DEDD2: variants seen among roughly 807,000 people sequenced by gnomAD.
DEDD2 encodes the protein DNA-binding death effector domain-containing protein 2.
DEDD2 carries 18 observed loss-of-function variants against 28.9 expected under a neutral mutation model. The ratio of observed to expected loss-of-function variants is 0.62; its 90% confidence interval spans 0.43 to 0.92. The LOEUF is 0.92. Among genes scored for constraint, DEDD2 ranks in the 40% least tolerant of loss-of-function variants. The probability of loss-of-function intolerance (pLI) is 0.00; values close to 1 mark genes in which losing one functional copy is unlikely to be tolerated. For synonymous variants in DEDD2, 211 were observed against 206.1 expected (o/e 1.02, Z -0.20); for missense variants, 411 against 463.3 (o/e 0.89, Z 1.04).
At chr19:42,213,504 G>A (rs188402486) in intron 3 of DEDD2, among the ~76,000 whole-genome samples, 3 of 152,228 alleles carry the variant, frequency 2.0e-5, no homozygotes, top group African/African-American at 2.4e-5. Context: ...TTCCCACATC[G>A]GAAAAGCCAG....
At position 42,209,683 on chromosome 19, in the gene DEDD2, A is replaced by C; in HGVS notation, c.589+17T>G. 6.2e-7 allele frequency: 1 copy of C among 1,602,164 alleles called. No individual in the cohort carries two copies. The highest frequency in any genetic ancestry group is 8.5e-7 in the Non-Finnish European group (1 of 1,174,892). On this transcript the variant is annotated intron_variant, in intron 4 of 4. Coordinates refer to ENST00000596251, the MANE Select transcript of DEDD2 (RefSeq NM_133328.4). ...CGGGGCACTCTACATGCATTGCCAA[A>C]GCCTACAGACACCTACCACAGGTCA...
chr19:42,215,399 T>C (rs1197116331), intron 2 of DEDD2, 147 bp from the exon 3 acceptor site: 11 of 996,658 alleles, frequency 1.1e-5, no homozygotes, highest in African/African-American at 1.6e-5. Flanking sequence ...CCTGCAGAGG[T>C]TGCTCAGATG....
At chr19:42,212,969 G>T (rs2035827750) in intron 3 of DEDD2, among the ~76,000 whole-genome samples, 1 of 152,140 alleles carries the variant, frequency 6.6e-6, no homozygotes, top group African/African-American at 2.4e-5. Context: ...TTCACTGAAA[G>T]AACCTAGAAC....
In DEDD2 at chr19:42,209,732, G is replaced by A. The variant is rs754932129; in HGVS notation, c.557C>T (p.Ala186Val). Residue 186 changes from alanine to valine, a missense_variant, in exon 4 of 5, where the codon GCC becomes GTC. By Grantham distance (64) the Ala-to-Val change is moderately conservative. Around this residue, in one of 2 missense-constraint regions of DEDD2, gnomAD observed 282 missense variants for 273.4 expected, o/e 1.03. Transcript: ENST00000596251. ...CACTTTGCCTTCAGAGGAAGGTCTG[G>A]CGGGCTCTGACTGCTGCTGGGGTGC... Reference protein sequence around the residue: ...PAAPQQQSEPARPSSEGKVTC... With the variant: ...PAAPQQQSEPVRPSSEGKVTC... The A allele has an allele frequency of 6.2e-7, 1 of 1,607,616 alleles. No homozygotes were observed.
At chr19:42,218,470 C>G (rs2036064698), upstream of DEDD2, among the ~76,000 whole-genome samples, 1 of 152,144 alleles carries the variant, frequency 6.6e-6, no homozygotes, top group South Asian at 2.1e-4. Flanking sequence ...CGCCCAGATA[C>G]CCGCTCCCTA....
Position 42,215,239 on chromosome 19 carries a change from G to C in DEDD2, c.342C>G (p.Arg114=). ...AAGAGCTGGAGGTGCCATAGCTATA[G>C]CGTTCTGGAGACACTGGAGGAAGAG... The part of the protein sequence containing the change: ...RKRRRPVSPE[R]YSYGTSSSSK... The change falls in exon 3 of 5, where the codon CGC becomes CGG. Residue 114 remains arginine, a synonymous_variant. Coordinates refer to ENST00000596251, the MANE Select transcript of DEDD2 (RefSeq NM_133328.4). 6.2e-7 allele frequency: 1 copy of C among 1,614,082 alleles called. No individual in the cohort carries two copies. The highest frequency in any genetic ancestry group is 8.5e-7 in the Non-Finnish European group (1 of 1,179,972).
intron 4 of DEDD2, among the ~76,000 whole-genome samples, chr19:42,207,895 G>A (rs186709114): frequency 5.9e-5 from 9 of 151,708 alleles, no homozygotes; most frequent in African/African-American, 1.2e-4. Context: ...GGCTGGGGAC[G>A]TTGTACGCAT....
At chr19:42,202,116 C>T in intron 4 of DEDD2, 1 of 398,656 alleles carries the variant, frequency 2.5e-6, no homozygotes, top group Non-Finnish European at 4.4e-6. Context: ...ACATTGAAGT[C>T]ACAAGGATTA....
intron 4 of DEDD2, among the ~76,000 whole-genome samples, chr19:42,205,204 G>A (rs1215805647): frequency 6.6e-6 from 1 of 152,174 alleles, no homozygotes; most frequent in Middle Eastern, 3.2e-3. Flanking sequence ...TACAACGCAA[G>A]GCGGAGAAAG....
At chr19:42,218,311 G>T (rs1456083312), upstream of DEDD2, among the ~76,000 whole-genome samples, 1 of 149,678 alleles carries the variant, frequency 6.7e-6, no homozygotes, top group Non-Finnish European at 1.5e-5. Flanking sequence ...GTTCAGGACG[G>T]ATACCTCCTT....
rs560359834 is a variant in DEDD2 at position 42,217,672 on chromosome 19, C to A, written c.-79G>T. On this transcript the variant is annotated 5_prime_UTR_variant, in exon 1 of 5. Coordinates refer to ENST00000596251, the MANE Select transcript of DEDD2 (RefSeq NM_133328.4). ...GATGACTCCTGGGCGACGGCCGCAGCCACTTGTTTTGGATCTTTCTGGCAC... is the reference window on the plus strand; with the variant it reads ...GATGACTCCTGGGCGACGGCCGCAGACACTTGTTTTGGATCTTTCTGGCAC... 1.3e-5 allele frequency: 2 copies of A among 152,638 alleles called. No homozygotes were observed. The highest frequency in any genetic ancestry group is 2.9e-5 in the Non-Finnish European group (2 of 68,176). The allele number at this position is 152,638 out of a possible 1,614,324, so 9.5% of individuals were successfully genotyped here. A position where few individuals can be genotyped will look rare whatever the true frequency, so the allele number is the denominator to read the frequency against.
chr19:42,203,619 T>A (rs2035417002), intron 4 of DEDD2, among the ~76,000 whole-genome samples: 1 of 152,186 alleles, frequency 6.6e-6, no homozygotes, highest in Admixed American at 6.5e-5. Flanking sequence ...GGTGGCCTCC[T>A]GTGTAAAACA....
intron 4 of DEDD2, among the ~76,000 whole-genome samples, chr19:42,200,873 CT>C (rs1282498891): frequency 6.6e-6 from 1 of 152,202 alleles, no homozygotes; most frequent in East Asian, 1.9e-4. Context: ...ACTTCTAAGG[CT>C]ATCCTGTAAT....
chr19:42,206,015 C>T (rs1183641234), intron 4 of DEDD2, among the ~76,000 whole-genome samples: 1 of 151,010 alleles, frequency 6.6e-6, no homozygotes, highest in Non-Finnish European at 1.5e-5. Flanking sequence ...ACCTGGGAAG[C>T]GGAGGCTGCA....
Position 42,210,424 on chromosome 19 carries a change from G to A in DEDD2, c.449-584C>T, listed in dbSNP as rs921961287. The stretch of plus-strand genomic sequence containing the variant: ...ACTTTTTTTTTTGAGACCGAGTTTC[G>A]CTCTTGTTGCTCAGGCTGGAGTGCA... On this transcript the variant is annotated intron_variant, in intron 3 of 4. Coordinates refer to ENST00000596251, the MANE Select transcript of DEDD2 (RefSeq NM_133328.4). Among the ~76,000 whole-genome samples the A allele has an allele frequency of 6.6e-5, 10 of 151,916 alleles. No individual in the cohort carries two copies. In the East Asian group the frequency reaches 1.7e-3, roughly 27 times the overall value.
chr19:42,206,252 C>T (rs764660782), intron 4 of DEDD2, among the ~76,000 whole-genome samples: 1 of 152,016 alleles, frequency 6.6e-6, no homozygotes, highest in Non-Finnish European at 1.5e-5. Flanking sequence ...CCACCCTACT[C>T]CTCCATTCCT....
chr19:42,211,018 C>T (rs377707509), intron 3 of DEDD2, among the ~76,000 whole-genome samples: 2 of 146,276 alleles, frequency 1.4e-5, no homozygotes, highest in East Asian at 4.1e-4. Context: ...TGCAGTGAGC[C>T]GAGATTGTGC....
intron 4 of DEDD2, among the ~76,000 whole-genome samples, chr19:42,205,199 C>T (rs2051478810): frequency 6.6e-6 from 1 of 152,162 alleles, no homozygotes; most frequent in African/African-American, 2.4e-5. Flanking sequence ...AAAAATACAA[C>T]GCAAGGCGGA....
intron 4 of DEDD2, among the ~76,000 whole-genome samples, chr19:42,204,943 G>C (rs2035472274): frequency 6.6e-6 from 1 of 152,218 alleles, no homozygotes; most frequent in African/African-American, 2.4e-5. Flanking sequence ...AGGAGAAGCT[G>C]CCTCCAACTC....
Sources: allele counts gnomAD v4.1 joint callset (sites outside exome capture counted in the v4.1 genomes callset), GRCh38; gene constraint gnomAD v4.1.1; regional missense constraint gnomAD v4.1.1; transcripts MANE v1.5; gene names NCBI Gene and HGNC (gene_info 2026-07-23, HGNC 2026-07-21).